Variants in LPXN observed in about 807,000 individuals in gnomAD.
LPXN encodes leupaxin.
In LPXN, 28 loss-of-function variants were observed where a neutral mutation model predicts 45.6. That is an observed-to-expected ratio of 0.61 (90% CI 0.45 to 0.84). The LOEUF is 0.84. Among genes scored for constraint, LPXN ranks in the 40% least tolerant of loss-of-function variants. LPXN has a pLI of 0.00. For synonymous variants in LPXN, 166 were observed against 169.9 expected (o/e 0.98, Z 0.18); for missense variants, 459 against 475.0 (o/e 0.97, Z 0.31).
intron 2 of LPXN, among the ~76,000 whole-genome samples, chr11:58,564,644 T>C (rs1009641433): frequency 6.6e-6 from 1 of 152,106 alleles, no homozygotes; most frequent in African/African-American, 2.4e-5. Flanking sequence ...TGAACAAATA[T>C]GTATTGAGGG....
rs535315149 is a variant in LPXN, at chr11:58,574,746, T to C, written c.13+1014A>G. The stretch of plus-strand genomic sequence containing the variant: ...TACCTCCAAAGCAGTTTGATATTTA[T>C]TAAACACTACCTTTTTCTCTTCATT... On this transcript the variant is annotated intron_variant, in intron 1 of 8. Transcript: ENST00000395074. 2.0e-5 allele frequency among the ~76,000 whole-genome samples: 3 copies of C among 152,342 alleles called. No homozygotes were observed. In the South Asian group the frequency reaches 6.2e-4, roughly 32 times the overall value.
chr11:58,535,029 A>G (rs959098094), intron 7 of LPXN, among the ~76,000 whole-genome samples: 1 of 152,222 alleles, frequency 6.6e-6, no homozygotes, highest in Non-Finnish European at 1.5e-5. Flanking sequence ...AGTAATTAAT[A>G]GCCTACCGAC....
chr11:58,538,595 TTTTA>T (rs1465397642), intron 7 of LPXN, among the ~76,000 whole-genome samples: 2 of 152,154 alleles, frequency 1.3e-5, no homozygotes, highest in Non-Finnish European at 2.9e-5. Flanking sequence ...CTTAAACTGT[TTTTA>T]TATATACTGG....
chr11:58,564,157 G>A lies in LPXN; in HGVS notation c.216C>T (p.Tyr72=). The A allele has an allele frequency of 6.3e-7, 1 of 1,588,096 alleles. No individual in the cohort carries two copies. Among genetic ancestry groups the A allele is most frequent in the South Asian group, 1.1e-5 (1 of 88,466 alleles). Residue 72 remains tyrosine, a splice_region_variant and synonymous_variant, in exon 3 of 9, where the codon TAC becomes TAT. Coordinates refer to ENST00000395074, the MANE Select transcript of LPXN (RefSeq NM_004811.3). ...GCATTTAATAGAAAAAAAAATACCT[G>A]TAGACATTGAGCTCCTGGATATTGG... ...YTTNIQELNV[Y]SEAQEPKESP... is the part of the protein sequence containing the mutation.
At chr11:58,540,754 C>A (rs1853691716) in intron 7 of LPXN, among the ~76,000 whole-genome samples, 1 of 152,130 alleles carries the variant, frequency 6.6e-6, no homozygotes, top group Middle Eastern at 3.2e-3. Context: ...TTAGAAAATT[C>A]TTGGCTTGAG....
At chr11:58,554,507 G>A (rs543219373) in intron 4 of LPXN, among the ~76,000 whole-genome samples, 10 of 152,006 alleles carry the variant, frequency 6.6e-5, no homozygotes, top group Non-Finnish European at 1.0e-4. Context: ...CTCTATATCC[G>A]TAATGTTTGC....
chr11:58,551,867 G>A (rs1854061169), intron 4 of LPXN, among the ~76,000 whole-genome samples: 1 of 152,166 alleles, frequency 6.6e-6, no homozygotes, highest in Non-Finnish European at 1.5e-5. Context: ...TAGAAATATT[G>A]ACATTTATGG....
intron 8 of LPXN, 49 bp downstream of exon 8, chr11:58,527,994 G>C: frequency 6.3e-7 from 1 of 1,583,524 alleles, no homozygotes; most frequent in Non-Finnish European, 8.6e-7. Context: ...TCTCAGAGAG[G>C]AGAACCCTTG....
intron 7 of LPXN, among the ~76,000 whole-genome samples, chr11:58,548,582 A>C (rs1853943963): frequency 6.6e-6 from 1 of 152,238 alleles, no homozygotes; most frequent in South Asian, 2.1e-4. Context: ...AAGGATTCAA[A>C]TGTTAACTTT....
chr11:58,571,994 T>A (rs1420384382), intron 1 of LPXN, among the ~76,000 whole-genome samples: 2 of 152,192 alleles, frequency 1.3e-5, no homozygotes, highest in Non-Finnish European at 2.9e-5. Flanking sequence ...GCATGTCACA[T>A]CCTTCTCTGA....
At chr11:58,574,759 T>C (rs990162753) in intron 1 of LPXN, among the ~76,000 whole-genome samples, 1 of 152,188 alleles carries the variant, frequency 6.6e-6, no homozygotes, top group African/African-American at 2.4e-5. Flanking sequence ...AACACTACCT[T>C]TTTCTCTTCA....
intron 7 of LPXN, among the ~76,000 whole-genome samples, chr11:58,537,598 G>A (rs566161476): frequency 9.9e-5 from 15 of 151,864 alleles, no homozygotes; most frequent in African/African-American, 2.7e-4. Context: ...ACCATGGCAC[G>A]TGTATACCTA....
At chr11:58,538,070 A>G (rs1409738270) in intron 7 of LPXN, among the ~76,000 whole-genome samples, 2 of 151,586 alleles carry the variant, frequency 1.3e-5, no homozygotes, top group African/African-American at 4.8e-5. Flanking sequence ...ATGATTTCCA[A>G]TTTCATCCAT....
At chr11:58,532,560 G>A (rs903434313) in intron 7 of LPXN, among the ~76,000 whole-genome samples, 2 of 151,968 alleles carry the variant, frequency 1.3e-5, no homozygotes, top group African/African-American at 4.8e-5. Flanking sequence ...AGTGCTCTGT[G>A]TCTAGCTAAT....
At chr11:58,544,889 C>A (rs139061836) in intron 7 of LPXN, among the ~76,000 whole-genome samples, 26 of 152,242 alleles carry the variant, frequency 1.7e-4, no homozygotes, top group African/African-American at 6.0e-4. Context: ...TGCCAAGGAC[C>A]AATGACTTGA....
Position 58,527,489 on chromosome 11 carries a change from A to G in LPXN, c.1126T>C (p.Cys376Arg). The G allele has an allele frequency of 6.2e-7, 1 of 1,614,258 alleles. No homozygotes were observed. Among genetic ancestry groups the G allele is most frequent in the African/African-American group, 1.3e-5 (1 of 75,060 alleles). Residue 376 changes from cysteine to arginine, a missense_variant, in exon 9 of 9, where the codon TGT becomes CGT. Physicochemically the swap from Cys to Arg is radical, Grantham distance 180. Transcript: ENST00000395074. ...AAGAGCTTATTGAAGCAAGGTTGACAATAGGTCTTGTCATTCTGCTCCCTG... is the reference window on the plus strand; with the variant it reads ...AAGAGCTTATTGAAGCAAGGTTGACGATAGGTCTTGTCATTCTGCTCCCTG... ...IFREQNDKTYCQPCFNKLFPL is the reference protein window; with the variant it reads ...IFREQNDKTYRQPCFNKLFPL
intron 5 of LPXN, 37 bp from the exon 6 acceptor site, chr11:58,550,183 T>C (rs7129136): frequency 1.3e-5 from 21 of 1,598,046 alleles, no homozygotes; most frequent in East Asian, 6.7e-5. Context: ...AGGAGGCCAG[T>C]TGAGTGCTCT....
chr11:58,568,070 A>G lies in LPXN; in HGVS notation c.171+2486T>C, dbSNP rs115662394. Among the ~76,000 whole-genome samples the G allele has an allele frequency of 1.0e-2, 1,517 of 152,242 alleles. 25 individuals carry two copies. The highest frequency in any genetic ancestry group is 0.035 in the African/African-American group (1,462 of 41,548). ...CCACGCATCTCACAGGCCACCCACC[A>G]CACGACCACATGAGGGCATGAGTGG... On this transcript the variant is annotated intron_variant, in intron 2 of 8. Transcript: ENST00000395074.
intron 7 of LPXN, among the ~76,000 whole-genome samples, chr11:58,529,737 T>C (rs1378046735): frequency 1.3e-5 from 2 of 152,086 alleles, no homozygotes; most frequent in African/African-American, 2.4e-5. Context: ...AATTTGGAGA[T>C]TGCTGGCAGG....
Sources: allele counts gnomAD v4.1 joint callset (sites outside exome capture counted in the v4.1 genomes callset), GRCh38; gene constraint gnomAD v4.1.1; transcripts MANE v1.5; gene names NCBI Gene and HGNC (gene_info 2026-07-23, HGNC 2026-07-21).